Variants in CPNE4 observed in about 807,000 individuals in gnomAD.
CPNE4 encodes the protein copine-4.
In CPNE4, 25 loss-of-function variants were observed where a neutral mutation model predicts 67.9. The ratio of observed to expected loss-of-function variants is 0.37; its 90% CI spans 0.27 to 0.51. The LOEUF (loss-of-function observed/expected upper bound fraction) is 0.51, where lower values mean the gene tolerates loss of function less well. Among genes scored for constraint, CPNE4 ranks in the 20% least tolerant of loss-of-function variants. CPNE4 has a pLI of 0.93. For missense variants in CPNE4, 464 were observed against 690.8 expected, an observed-to-expected ratio of 0.67 and a Z score of 3.68; for synonymous variants, 242 against 244.9, an observed-to-expected ratio of 0.99 and a Z score of 0.11.
chr3:131,793,765 T>C (rs1269297181), intron 2 of CPNE4, among the ~76,000 whole-genome samples: 4 of 152,174 alleles, frequency 2.6e-5, no homozygotes, highest in African/African-American at 9.6e-5. Flanking sequence ...ATATCACCTC[T>C]TTAAAGAGAA....
At chr3:131,774,321 C>T (rs574794238) in intron 2 of CPNE4, among the ~76,000 whole-genome samples, 18 of 147,716 alleles carry the variant, frequency 1.2e-4, no homozygotes, top group South Asian at 2.2e-4. Context: ...ATATTTTCTA[C>T]GCTGAAAAAA....
intron 1 of CPNE4, among the ~76,000 whole-genome samples, chr3:131,947,560 A>G (rs1295137651): frequency 2.0e-5 from 3 of 152,232 alleles, no homozygotes; most frequent in Non-Finnish European, 4.4e-5. Context: ...TGCAAAGGAC[A>G]TGAACTCATT....
intron 1 of CPNE4, among the ~76,000 whole-genome samples, chr3:131,935,072 A>G (rs2071182595): frequency 6.6e-6 from 1 of 152,162 alleles, no homozygotes; most frequent in Non-Finnish European, 1.5e-5. Context: ...ATTAAATAAC[A>G]TATTTTGGCA....
chr3:131,960,532 T>C (rs1473327163), intron 1 of CPNE4, among the ~76,000 whole-genome samples: 4 of 152,198 alleles, frequency 2.6e-5, no homozygotes, highest in African/African-American at 4.8e-5. Flanking sequence ...TATTGTCCAA[T>C]AATCATATAG....
chr3:131,792,921 G>GTATATC (rs1280851099), intron 2 of CPNE4, among the ~76,000 whole-genome samples: 6 of 58,356 alleles, frequency 1.0e-4, no homozygotes, highest in African/African-American at 2.7e-4. Context: ...GTGTGTGTGT[G>GTATATC]TGTGTATCTC....
At chr3:131,947,382 C>T (rs1000340026) in intron 1 of CPNE4, among the ~76,000 whole-genome samples, 6 of 152,116 alleles carry the variant, frequency 3.9e-5, no homozygotes, top group Non-Finnish European at 7.3e-5. Flanking sequence ...GCTCTTTCTC[C>T]CCTTTCCTCC....
chr3:131,631,897 C>CTTTTT (rs72379879), intron 7 of CPNE4, among the ~76,000 whole-genome samples: 1 of 144,460 alleles, frequency 6.9e-6, no homozygotes, highest in Non-Finnish European at 1.5e-5. Flanking sequence ...ACACTTTTTT[C>CTTTTT]TTTTTTCTTT....
At chr3:131,552,373 G>A in intron 13 of CPNE4, 67 bp downstream of exon 13, 1 of 1,334,284 alleles carries the variant, frequency 7.5e-7, no homozygotes, top group Non-Finnish European at 1.1e-6. Context: ...CAGCAGAGAT[G>A]AACTAAAATG....
chr3:131,681,471 G>A (rs2080753899), intron 6 of CPNE4, among the ~76,000 whole-genome samples: 2 of 152,088 alleles, frequency 1.3e-5, no homozygotes, highest in Admixed American at 1.3e-4. Context: ...GGTCTTTAAG[G>A]TTTCTACTGA....
intron 2 of CPNE4, among the ~76,000 whole-genome samples, chr3:131,795,329 C>T (rs1048877990): frequency 6.6e-6 from 1 of 152,124 alleles, no homozygotes. Flanking sequence ...AATGAGATCC[C>T]AAATCCACCA....
intron 14 of CPNE4, 90 bp from the exon 15 acceptor site, chr3:131,542,883 T>A (rs528768166): frequency 1.2e-6 from 1 of 853,208 alleles, no homozygotes; most frequent in Admixed American, 1.9e-5. Context: ...CCAGGTGGCC[T>A]CACTGCACAT....
intron 2 of CPNE4, among the ~76,000 whole-genome samples, chr3:131,738,949 G>T (rs2082300796): frequency 6.6e-6 from 1 of 151,284 alleles, no homozygotes; most frequent in African/African-American, 2.4e-5. Flanking sequence ...CCTTCCTGCA[G>T]GGTCAAGCGA....
At chr3:131,878,046 G>A (rs960413408) in intron 2 of CPNE4, among the ~76,000 whole-genome samples, 2 of 152,192 alleles carry the variant, frequency 1.3e-5, no homozygotes, top group Admixed American at 1.3e-4. Flanking sequence ...GTGCATATTG[G>A]TACAAACCTT....
intron 1 of CPNE4, among the ~76,000 whole-genome samples, chr3:132,013,560 A>G (rs903172516): frequency 6.6e-6 from 1 of 152,244 alleles, no homozygotes; most frequent in Admixed American, 6.5e-5. Flanking sequence ...AAAAATGTTC[A>G]GTTCCCCAGA....
At chr3:131,818,844 G>T (rs554793925) in intron 2 of CPNE4, among the ~76,000 whole-genome samples, 16 of 152,204 alleles carry the variant, frequency 1.1e-4, no homozygotes, top group African/African-American at 1.4e-4. Flanking sequence ...GCTCATGCCT[G>T]TAATCCCAGC....
intron 2 of CPNE4, among the ~76,000 whole-genome samples, chr3:131,827,928 T>C (rs2085226460): frequency 6.6e-6 from 1 of 151,986 alleles, no homozygotes; most frequent in Non-Finnish European, 1.5e-5. Context: ...CCTTGTGACA[T>C]GCATTATGCT....
intron 1 of CPNE4, among the ~76,000 whole-genome samples, chr3:131,982,964 A>C (rs1041744724): frequency 1.3e-5 from 2 of 152,104 alleles, no homozygotes; most frequent in African/African-American, 4.8e-5. Context: ...CAAAATCTTT[A>C]AAGAAAAAAA....
intron 2 of CPNE4, among the ~76,000 whole-genome samples, chr3:131,798,006 T>C (rs1336156356): frequency 6.6e-6 from 1 of 152,178 alleles, no homozygotes; most frequent in African/African-American, 2.4e-5. Flanking sequence ...TCTTGCTATG[T>C]CCTCAAATGA....
intron 3 of CPNE4, among the ~76,000 whole-genome samples, chr3:131,711,804 G>A (rs1480529516): frequency 6.6e-6 from 1 of 152,178 alleles, no homozygotes; most frequent in African/African-American, 2.4e-5. Context: ...GAAATGAGGA[G>A]TCTAGACTTT....
Sources: gnomAD v4.1 joint callset for allele counts (sites outside exome capture counted in the v4.1 genomes callset) on GRCh38, gnomAD v4.1.1 for gene constraint, MANE v1.5 for transcripts, NCBI Gene and HGNC (gene_info 2026-07-23, HGNC 2026-07-21) for gene names.